ARHGEF28: variants seen among roughly 807,000 people sequenced by gnomAD.
The protein encoded by ARHGEF28 is Rho guanine nucleotide exchange factor 28, also known as 190 kDa guanine nucleotide exchange factor.
A neutral mutation model predicts 206.6 loss-of-function variants in ARHGEF28; 152 were observed. The observed-to-expected ratio is 0.74, with a 90% CI of 0.64 to 0.84. ARHGEF28 has a LOEUF of 0.84. Ranked by LOEUF, ARHGEF28 falls within the 40% of genes least tolerant of loss-of-function variation. The pLI is 0.00. For missense variants in ARHGEF28, 2,028 were observed against 2,073.2 expected, an observed-to-expected ratio of 0.98 and a Z score of 0.42; for synonymous variants, 763 against 776.4, an observed-to-expected ratio of 0.98 and a Z score of 0.29.
At chr5:73,762,769 AGCCATCC>A (rs1376239293) in intron 4 of ARHGEF28, among the ~76,000 whole-genome samples, 3 of 152,142 alleles carry the variant, frequency 2.0e-5, no homozygotes. Flanking sequence ...GGCCAATTCA[AGCCATCC>A]TTTGTATAAT....
intron 2 of ARHGEF28, among the ~76,000 whole-genome samples, chr5:73,741,712 C>A (rs1397684767): frequency 6.6e-6 from 1 of 151,888 alleles, no homozygotes; most frequent in African/African-American, 2.4e-5. Context: ...AGCCACTGCA[C>A]CTGGCCTGTG....
At chr5:73,792,835 A>G (rs1322686104) in intron 7 of ARHGEF28, among the ~76,000 whole-genome samples, 1 of 152,102 alleles carries the variant, frequency 6.6e-6, no homozygotes, top group South Asian at 2.1e-4. Flanking sequence ...AATTTTAACT[A>G]TGTGTTTTGG....
At chr5:73,917,921 A>G (rs1044096618) in intron 35 of ARHGEF28, among the ~76,000 whole-genome samples, 1 of 152,172 alleles carries the variant, frequency 6.6e-6, no homozygotes, top group Non-Finnish European at 1.5e-5. Context: ...TTGGAGGGGA[A>G]ATTTGTATAC....
intron 35 of ARHGEF28, among the ~76,000 whole-genome samples, chr5:73,925,049 AAC>A (rs1491210814): frequency 6.6e-6 from 1 of 152,176 alleles, no homozygotes; most frequent in Non-Finnish European, 1.5e-5. Context: ...ACCCAAATCT[AAC>A]ACAACAAATT....
chr5:73,664,415 T>A (rs1239718020), intron 1 of ARHGEF28, among the ~76,000 whole-genome samples: 1 of 152,210 alleles, frequency 6.6e-6, no homozygotes, highest in Non-Finnish European at 1.5e-5. Context: ...CTTGTCTAGG[T>A]TTGAATCCTG....
At chr5:73,917,719 G>C (rs1763287157) in intron 35 of ARHGEF28, among the ~76,000 whole-genome samples, 1 of 152,240 alleles carries the variant, frequency 6.6e-6, no homozygotes. Context: ...AGCTGCTGAA[G>C]TGTGGGAGTC....
At chr5:73,876,632 G>C (rs78444149) in intron 22 of ARHGEF28, among the ~76,000 whole-genome samples, 20,612 of 136,648 alleles carry the variant, frequency 0.15, 528 homozygotes, top group African/African-American at 0.24. Flanking sequence ...TAGCATGAAG[G>C]GTTGTTGAAT....
At chr5:73,890,443 A>G (rs747664752) in intron 26 of ARHGEF28, among the ~76,000 whole-genome samples, 4 of 152,224 alleles carry the variant, frequency 2.6e-5, no homozygotes, top group Non-Finnish European at 5.9e-5. Context: ...ATAATAGAAT[A>G]AGCCAGATTA....
rs746584594 is a variant in ARHGEF28 at position 73,840,565 on chromosome 5, C to T, written c.1232C>T (p.Pro411Leu). The T allele has an allele frequency of 3.7e-6, 6 of 1,613,802 alleles. No homozygotes were observed. The highest frequency in any genetic ancestry group is 5.1e-6 in the Non-Finnish European group (6 of 1,179,868). The change falls in exon 11 of 36, where the codon CCT (proline) becomes CTT (leucine). Residue 411 changes from proline (P) to leucine (L), a missense_variant. Pro to Leu is a moderately conservative substitution (Grantham distance 98). Coordinates refer to ENST00000513042, the MANE Select transcript of ARHGEF28 (RefSeq NM_001177693.2). Reference protein sequence around the residue: ...SPESRGCTLWPQSSKHTLPTE... With the variant: ...SPESRGCTLWLQSSKHTLPTE... ...GAATCCAGAGGTTGCACTCTGTGGCCTCAGAGCAGCAAACACACCCTTCCT... is the reference window on the plus strand; with the variant it reads ...GAATCCAGAGGTTGCACTCTGTGGCTTCAGAGCAGCAAACACACCCTTCCT...
At chr5:73,898,218 GA>G (rs1561495510) in intron 30 of ARHGEF28, 125 bp downstream of exon 30, 6 of 1,167,142 alleles carry the variant, frequency 5.1e-6, no homozygotes, top group Non-Finnish European at 7.0e-6. Flanking sequence ...TTTTAAATTA[GA>G]AAAAAACTGA....
intron 9 of ARHGEF28, chr5:73,795,596 A>G (rs1481389099): frequency 4.1e-6 from 2 of 488,442 alleles, no homozygotes; most frequent in Non-Finnish European, 7.1e-6. Flanking sequence ...CAATCTAAAA[A>G]ACAAGGCAAT....
chr5:73,789,149 A>T (rs145868706), intron 7 of ARHGEF28, among the ~76,000 whole-genome samples: 2 of 152,340 alleles, frequency 1.3e-5, no homozygotes, highest in East Asian at 3.9e-4. Flanking sequence ...TAGATAAACA[A>T]AACAAAGTAG....
chr5:73,860,157 A>G (rs1759308058), intron 16 of ARHGEF28, among the ~76,000 whole-genome samples: 1 of 152,184 alleles, frequency 6.6e-6, no homozygotes, highest in Admixed American at 6.5e-5. Flanking sequence ...ACGCGCAGAA[A>G]TTAGTTCTTG....
intron 2 of ARHGEF28, among the ~76,000 whole-genome samples, chr5:73,745,834 A>T (rs902917641): frequency 2.0e-5 from 3 of 152,106 alleles, no homozygotes; most frequent in African/African-American, 7.2e-5. Flanking sequence ...GACCTGCCAA[A>T]GGCAAAGTTT....
intron 26 of ARHGEF28, among the ~76,000 whole-genome samples, chr5:73,889,942 A>T (rs960279580): frequency 1.3e-4 from 20 of 152,230 alleles, no homozygotes; most frequent in African/African-American, 4.6e-4. Context: ...TTAAAAAGTG[A>T]AATCCTCTAG....
Position 73,846,334 on chromosome 5 carries a change from T to C in ARHGEF28, c.1494T>C (p.Cys498=), listed in dbSNP as rs1758358424. The change falls in exon 12 of 36, where the codon TGT becomes TGC. Residue 498 remains cysteine (C), a synonymous_variant. Transcript: ENST00000513042. ...GGCATTCTGAGCCATCCCACATCTG[T>C]TACACTCCAGGGTCTCAGAGCTCCT... The part of the protein sequence containing the change: ...GEGHSEPSHI[C]YTPGSQSSSR... 3.1e-6 allele frequency: 5 copies of C among 1,613,738 alleles called. No individual in the cohort carries two copies. Among genetic ancestry groups the C allele is most frequent in the Middle Eastern group, 1.6e-4 (1 of 6,082 alleles).
intron 2 of ARHGEF28, among the ~76,000 whole-genome samples, chr5:73,730,116 T>G (rs1440873454): frequency 2.0e-5 from 3 of 152,242 alleles, no homozygotes; most frequent in African/African-American, 7.2e-5. Flanking sequence ...AGCATTAACA[T>G]GCATATTACT....
At chr5:73,688,251 G>GA (rs1162447713) in intron 2 of ARHGEF28, among the ~76,000 whole-genome samples, 4 of 152,028 alleles carry the variant, frequency 2.6e-5, no homozygotes, top group African/African-American at 9.7e-5. Context: ...AATCAGGAAG[G>GA]AAAAAAATTG....
chr5:73,648,924 T>C (rs1744615579), intron 1 of ARHGEF28, among the ~76,000 whole-genome samples: 1 of 152,196 alleles, frequency 6.6e-6, no homozygotes. Context: ...TGGGGAGTAA[T>C]CTCACTTCAA....
Sources: gnomAD v4.1 joint callset for allele counts (sites outside exome capture counted in the v4.1 genomes callset) on GRCh38, gnomAD v4.1.1 for gene constraint, MANE v1.5 for transcripts, NCBI Gene and HGNC (gene_info 2026-07-23, HGNC 2026-07-21) for gene names.